Variants in AGPAT3 observed in about 807,000 individuals in gnomAD.
AGPAT3 encodes the protein 1-acyl-sn-glycerol-3-phosphate acyltransferase gamma.
In AGPAT3, 5 loss-of-function variants were observed where a neutral mutation model predicts 47.3. The ratio of observed to expected loss-of-function variants is 0.11; its 90% CI spans 0.06 to 0.22. AGPAT3 has a LOEUF of 0.22. AGPAT3 is among the 10% of genes least tolerant of loss of function. AGPAT3 has a pLI of 1.00. For synonymous variants in AGPAT3, 212 were observed against 208.3 expected, an observed-to-expected ratio of 1.02 and a Z score of -0.15; for missense variants, 315 against 493.0, an observed-to-expected ratio of 0.64 and a Z score of 3.42.
In AGPAT3 at chr21:43,967,992, G is replaced by A. The variant is rs748786236; in HGVS notation, c.225G>A (p.Leu75=). The A allele has an allele frequency of 3.1e-6, 5 of 1,613,942 alleles. No individual in the cohort carries two copies. The South Asian group carries it at 4.4e-5, about 14-fold the overall frequency. The change falls in exon 4 of 10, where the codon CTG becomes CTA. Residue 75 remains leucine, a synonymous_variant. Transcript: ENST00000291572. ...LEWWSCTECT[L]FTDQATVERF... is the part of the protein sequence containing the mutation. Reference sequence around the variant, plus strand: ...GGTGGTCCTGCACGGAGTGTACACTGTTCACGGACCAGGCCACGGTAGAGC... The same window carrying A: ...GGTGGTCCTGCACGGAGTGTACACTATTCACGGACCAGGCCACGGTAGAGC...
At chr21:43,875,125 C>T (rs564722661) in intron 1 of AGPAT3, among the ~76,000 whole-genome samples, 14 of 152,190 alleles carry the variant, frequency 9.2e-5, no homozygotes, top group South Asian at 2.1e-4. Flanking sequence ...GAATTACAGG[C>T]GCCCACCACC....
At position 43,920,660 on chromosome 21, in the gene AGPAT3, A is replaced by G. The variant is rs1601310699; in HGVS notation, c.-49+16641A>G. ...CTGCTCGATCGTGCCTGTGTAATGAAGCCTCCACAGACTCCCTCAAGGACA... is the reference window on the plus strand; with the variant it reads ...CTGCTCGATCGTGCCTGTGTAATGAGGCCTCCACAGACTCCCTCAAGGACA... On this transcript the variant is annotated intron_variant, in intron 2 of 9. Coordinates refer to ENST00000291572, the MANE Select transcript of AGPAT3 (RefSeq NM_020132.5). This position sits in a 1 kb window ranked among gnomAD's most constrained non-coding sequence, Gnocchi z 6.1. Among the ~76,000 whole-genome samples the G allele has an allele frequency of 6.6e-6, 1 of 151,542 alleles. No individual in the cohort carries two copies. The highest frequency in any genetic ancestry group is 2.1e-4 in the South Asian group (1 of 4,768).
At chr21:43,869,221 G>C (rs1447665687) in intron 1 of AGPAT3, among the ~76,000 whole-genome samples, 1 of 152,200 alleles carries the variant, frequency 6.6e-6, no homozygotes, top group Non-Finnish European at 1.5e-5. Context: ...CTTGGTGGGA[G>C]TAAAATGAAG....
chr21:43,968,152 G>A lies in AGPAT3; in HGVS notation c.348+37G>A, dbSNP rs745795566. The A allele has an allele frequency of 7.5e-6, 12 of 1,606,032 alleles. No homozygotes were observed. The South Asian group carries it at 1.2e-4, about 16-fold the overall frequency. On this transcript the variant is annotated intron_variant, in intron 4 of 9. Transcript: ENST00000291572. ...CCTGGGGAGGGCCACGGGTGAGCAG[G>A]AGGGTCCCGGGGAGGGCCGGGGGTG...
intron 8 of AGPAT3, among the ~76,000 whole-genome samples, chr21:43,978,458 A>G (rs1273840070): frequency 6.6e-6 from 1 of 152,176 alleles, no homozygotes; most frequent in Non-Finnish European, 1.5e-5. Context: ...GCAAGCCACC[A>G]TATTCAGCTA....
chr21:43,937,014 T>G (rs189891713), intron 2 of AGPAT3, among the ~76,000 whole-genome samples: 561 of 152,282 alleles, frequency 3.7e-3, no homozygotes, highest in Non-Finnish European at 6.6e-3. Flanking sequence ...AAATCTTTGG[T>G]TTTGTTTTTA....
Position 43,934,392 on chromosome 21 carries a change from G to A in AGPAT3, c.-48-25242G>A, listed in dbSNP as rs947564032. Among the ~76,000 whole-genome samples, 5 of 152,250 alleles carry A rather than the reference G, an allele frequency of 3.3e-5. No individual in the cohort carries two copies. The highest frequency in any genetic ancestry group is 1.3e-4 in the Admixed American group (2 of 15,286). On this transcript the variant is annotated intron_variant, in intron 2 of 9. Coordinates refer to ENST00000291572, the MANE Select transcript of AGPAT3 (RefSeq NM_020132.5). This position sits in a 1 kb window ranked among gnomAD's most constrained non-coding sequence, Gnocchi z 4.7. Reference sequence around the variant, plus strand: ...CTTCATAAGAGGCCACAGAGGCTCCGCAAGTCCCCAGGCCGTCGGCTGCCT... The same window carrying A: ...CTTCATAAGAGGCCACAGAGGCTCCACAAGTCCCCAGGCCGTCGGCTGCCT...
intron 2 of AGPAT3, among the ~76,000 whole-genome samples, chr21:43,945,591 A>T (rs772296211): frequency 4.0e-5 from 6 of 151,706 alleles, no homozygotes; most frequent in Non-Finnish European, 5.9e-5. Context: ...GTCCCCGCAG[A>T]GAGCCCCCTT....
intron 2 of AGPAT3, among the ~76,000 whole-genome samples, chr21:43,904,800 C>T (rs7275502): frequency 0.11 from 16,132 of 152,192 alleles, 1,651 homozygotes; most frequent in African/African-American, 0.27. Flanking sequence ...CTGTGTCCTT[C>T]TCCCACTGTG....
rs960507418 is a variant in AGPAT3, at chr21:43,982,033, C to T, written c.1043-271C>T. Among the ~76,000 whole-genome samples the T allele has an allele frequency of 3.9e-5, 6 of 152,240 alleles. No individual in the cohort carries two copies. The highest frequency in any genetic ancestry group is 2.0e-4 in the Admixed American group (3 of 15,284). ...CCCTTCTGCTCCCACCAGCCAAAGA[C>T]CCAGAGGGGCAGGCAGGGCAAGGTC... On this transcript the variant is annotated intron_variant, in intron 9 of 9. Coordinates refer to ENST00000291572, the MANE Select transcript of AGPAT3 (RefSeq NM_020132.5). This position sits in a 1 kb window ranked among gnomAD's most constrained non-coding sequence, Gnocchi z 6.2.
At position 43,932,689 on chromosome 21, in the gene AGPAT3, C is replaced by T. The variant is rs1051798413; in HGVS notation, c.-48-26945C>T. Among the ~76,000 whole-genome samples the T allele has an allele frequency of 5.3e-5, 8 of 152,190 alleles. No individual in the cohort carries two copies. The highest frequency in any genetic ancestry group is 1.9e-4 in the African/African-American group (8 of 41,438). On this transcript the variant is annotated intron_variant, in intron 2 of 9. Coordinates refer to ENST00000291572, the MANE Select transcript of AGPAT3 (RefSeq NM_020132.5). The surrounding 1 kb of genome is among the most constrained non-coding windows in gnomAD (Gnocchi z 5.2). ...TTCTTGAGACGGAGTCTTGCTCTGT[C>T]GCCCAGGCTGGAGTGCGATGGCACG...
intron 7 of AGPAT3, among the ~76,000 whole-genome samples, chr21:43,975,822 G>C (rs765474348): frequency 3.9e-5 from 6 of 152,150 alleles, no homozygotes; most frequent in Admixed American, 6.5e-5. Flanking sequence ...ACAGTGCTCG[G>C]GGCAGCCCAG....
intron 1 of AGPAT3, among the ~76,000 whole-genome samples, chr21:43,892,168 G>A (rs544979541): frequency 2.0e-4 from 30 of 152,092 alleles, no homozygotes; most frequent in Admixed American, 1.2e-3. Context: ...TTACCCAGGC[G>A]TGGTGGTGCA....
intron 7 of AGPAT3, among the ~76,000 whole-genome samples, chr21:43,975,239 G>A (rs9981726): frequency 1.1e-5 from 1 of 89,112 alleles, no homozygotes; most frequent in Non-Finnish European, 2.8e-5. Context: ...TAATGTTTTG[G>A]TGTGTGCTGG....
chr21:43,888,707 T>C (rs533874246), intron 1 of AGPAT3, among the ~76,000 whole-genome samples: 1 of 152,278 alleles, frequency 6.6e-6, no homozygotes, highest in South Asian at 2.1e-4. Flanking sequence ...AAACAGAACA[T>C]GGGCCGGGCG....
At chr21:43,899,045 A>G (rs977990171) in intron 1 of AGPAT3, among the ~76,000 whole-genome samples, 11 of 152,176 alleles carry the variant, frequency 7.2e-5, no homozygotes, top group African/African-American at 2.4e-4. Flanking sequence ...ATTTGCACAC[A>G]CTTGCCGCTC....
chr21:43,985,499 C>A lies in AGPAT3; in HGVS notation c.*3107C>A, dbSNP rs570963513. 47 of 314,956 alleles carry A rather than the reference C, an allele frequency of 1.5e-4. No homozygotes were observed. The highest frequency in any genetic ancestry group is 9.2e-4 in the African/African-American group (42 of 45,688). 19.5% of individuals were successfully genotyped at this position (314,956 alleles called of 1,614,324 possible). A position where few individuals can be genotyped will look rare whatever the true frequency, so the allele number is the denominator to read the frequency against. Reference sequence around the variant, plus strand: ...ACCGTGGCATGAGAATCTTTCCTCACGCTGTTCGTTGCGGTATTGCTGAGC... The same window carrying A: ...ACCGTGGCATGAGAATCTTTCCTCAAGCTGTTCGTTGCGGTATTGCTGAGC... On this transcript the variant is annotated 3_prime_UTR_variant, in exon 10 of 10. Transcript: ENST00000291572.
Position 43,984,673 on chromosome 21 carries a change from A to G in AGPAT3, c.*2281A>G, listed in dbSNP as rs1019824720. 2.2e-5 allele frequency: 3 copies of G among 134,926 alleles called. No individual in the cohort carries two copies. Among genetic ancestry groups the G allele is most frequent in the African/African-American group, 1.0e-4 (3 of 29,510 alleles). The allele number at this position is 134,926 out of a possible 1,614,324, so 8.4% of individuals were successfully genotyped here. A position where few individuals can be genotyped will look rare whatever the true frequency, so the allele number is the denominator to read the frequency against. ...AAGAGCAATAAAAACTACACCATGA[A>G]TGTTTGAATTTTTTTTTTTTGGGGG... On this transcript the variant is annotated 3_prime_UTR_variant, in exon 10 of 10. Transcript: ENST00000291572.
intron 1 of AGPAT3, among the ~76,000 whole-genome samples, chr21:43,870,274 G>A (rs2085595133): frequency 6.6e-6 from 1 of 152,148 alleles, no homozygotes; most frequent in Admixed American, 6.6e-5. Flanking sequence ...TTCTAAATCA[G>A]GAGCTTATTA....
Sources: allele counts gnomAD v4.1 joint callset (sites outside exome capture counted in the v4.1 genomes callset), GRCh38; gene constraint gnomAD v4.1.1; non-coding constraint Gnocchi (gnomAD v3.1); transcripts MANE v1.5; gene names NCBI Gene and HGNC (gene_info 2026-07-23, HGNC 2026-07-21).